HRH4: variants seen among roughly 807,000 people sequenced by gnomAD.
HRH4 encodes the protein histamine H4 receptor.
In HRH4, 12 loss-of-function variants were observed where a neutral mutation model predicts 10.4. The ratio of observed to expected loss-of-function variants is 1.15; its 90% CI spans 0.74 to 1.87. The LOEUF is 1.87. Ranked by LOEUF, HRH4 falls within the 40% of genes most tolerant of loss-of-function variation. The probability of loss-of-function intolerance (pLI) is 0.00; values close to 1 mark genes in which losing one functional copy is unlikely to be tolerated. For missense variants in HRH4, 415 were observed against 453.3 expected (o/e 0.92, Z 0.77); for synonymous variants, 154 against 166.6 (o/e 0.92, Z 0.58).
intron 1 of HRH4, among the ~76,000 whole-genome samples, chr18:24,466,068 T>C (rs1382062670): frequency 6.6e-6 from 1 of 151,928 alleles, no homozygotes; most frequent in Non-Finnish European, 1.5e-5. Flanking sequence ...TGGGATACTT[T>C]GATTTACCTC....
At chr18:24,469,016 G>T in intron 2 of HRH4, 65 bp downstream of exon 2, 1 of 1,307,464 alleles carries the variant, frequency 7.6e-7, no homozygotes, top group Non-Finnish European at 1.0e-6. Context: ...GGGTCCTCAA[G>T]CAAAAATTCT....
chr18:24,461,532 C>A (rs554865172), intron 1 of HRH4, among the ~76,000 whole-genome samples: 1 of 152,204 alleles, frequency 6.6e-6, no homozygotes, highest in Admixed American at 6.5e-5. Context: ...TAATTTTTCA[C>A]TGCCTGATGC....
At position 24,468,908 on chromosome 18, in the gene HRH4, T is replaced by C. The variant is rs1464670264; in HGVS notation, c.314T>C (p.Ile105Thr). ...YLLCTASVYN[I>T]VLISYDRYLS... The stretch of plus-strand genomic sequence containing the variant: ...TTATGTACAGCATCTGTATATAACA[T>C]TGTCCTCATCAGCTATGATCGATAC... The change falls in exon 2 of 3, where the codon ATT becomes ACT. Residue 105 changes from isoleucine to threonine, a missense_variant. By Grantham distance (89) the Ile-to-Thr change is moderately conservative. Coordinates refer to ENST00000256906, the MANE Select transcript of HRH4 (RefSeq NM_021624.4). 6.2e-7 allele frequency: 1 copy of C among 1,612,594 alleles called. No individual in the cohort carries two copies. Among genetic ancestry groups the C allele is most frequent in the Non-Finnish European group, 8.5e-7 (1 of 1,179,270 alleles).
At chr18:24,472,726 A>G (rs1910005714) in intron 2 of HRH4, among the ~76,000 whole-genome samples, 1 of 152,204 alleles carries the variant, frequency 6.6e-6, no homozygotes, top group Non-Finnish European at 1.5e-5. Flanking sequence ...AGAAAAGCCC[A>G]GTGCAGGTGG....
rs369037730 is a variant in HRH4, at chr18:24,469,787, G to A, written c.357+836G>A. ...CCAACTTTTGTTTTGGCCTCAGGGG[G>A]TATGTGTGCAGGTTTTTTTACATGA... On this transcript the variant is annotated intron_variant, in intron 2 of 2. Transcript: ENST00000256906. 2.2e-3 allele frequency among the ~76,000 whole-genome samples: 335 copies of A among 152,212 alleles called. 2 individuals carry two copies. Among genetic ancestry groups the A allele is most frequent in the African/African-American group, 7.9e-3 (327 of 41,532 alleles).
chr18:24,468,459 A>G lies in HRH4; in HGVS notation c.194-329A>G, dbSNP rs917771624. ...AGAATAATGACCAGAAGTCATTACC[A>G]TTAGTCAAAGTCTATACATGTCCAG... On this transcript the variant is annotated intron_variant, in intron 1 of 2. Transcript: ENST00000256906. Among the ~76,000 whole-genome samples the G allele has an allele frequency of 2.0e-5, 3 of 152,342 alleles. No individual in the cohort carries two copies. In the South Asian group the frequency reaches 6.2e-4, roughly 32 times the overall value.
At position 24,468,657 on chromosome 18, in the gene HRH4, A is replaced by T. The variant is rs573613661; in HGVS notation, c.194-131A>T. On this transcript the variant is annotated intron_variant, in intron 1 of 2. Coordinates refer to ENST00000256906, the MANE Select transcript of HRH4 (RefSeq NM_021624.4). ...CTGAGCTGCTTGATGAAATACCGTG[A>T]ATTTCTAAATTAGAGACAAATCATT... 623 of 877,818 alleles carry T rather than the reference A, an allele frequency of 7.1e-4. 1 individual carries two copies. Among genetic ancestry groups the T allele is most frequent in the Non-Finnish European group, 1.0e-3 (591 of 589,490 alleles). The allele number at this position is 877,818 out of a possible 1,614,324, so 54.4% of individuals were successfully genotyped here. A position where few individuals can be genotyped will look rare whatever the true frequency, so the allele number is the denominator to read the frequency against.
chr18:24,475,492 G>A (rs1247994759), intron 2 of HRH4, among the ~76,000 whole-genome samples: 1 of 152,202 alleles, frequency 6.6e-6, no homozygotes, highest in African/African-American at 2.4e-5. Flanking sequence ...GGGTGTGGTG[G>A]TGTACATCTG....
Position 24,470,501 on chromosome 18 carries a change from A to ATTTTTTTTTTTT in HRH4, c.357+1558_357+1569dup, listed in dbSNP as rs200257355. Among the ~76,000 whole-genome samples, 8 of 129,916 alleles carry ATTTTTTTTTTTT rather than the reference A, an allele frequency of 6.2e-5. 1 individual carries two copies. Among genetic ancestry groups the ATTTTTTTTTTTT allele is most frequent in the African/African-American group, 9.0e-5 (3 of 33,508 alleles). 85.2% of individuals were successfully genotyped at this position (129,916 alleles called of 152,430 possible). Reference sequence around the variant, plus strand: ...GGTGGTGGGCCACATTTGTTTCTCTATTTTTTTTTTTTTTTTTTTGGAGAC... The same window carrying ATTTTTTTTTTTT: ...GGTGGTGGGCCACATTTGTTTCTCTATTTTTTTTTTTTTTTTTTTTTTTTTTTTTTTGGAGAC... On this transcript the variant is annotated intron_variant, in intron 2 of 2. Coordinates refer to ENST00000256906, the MANE Select transcript of HRH4 (RefSeq NM_021624.4).
chr18:24,465,489 A>G (rs1909750248), intron 1 of HRH4, among the ~76,000 whole-genome samples: 1 of 152,076 alleles, frequency 6.6e-6, no homozygotes. Flanking sequence ...GGGGGCATAT[A>G]GCTTGTTTTC....
chr18:24,476,043 C>T (rs76441258), intron 2 of HRH4, among the ~76,000 whole-genome samples: 28 of 151,972 alleles, frequency 1.8e-4, no homozygotes, highest in Admixed American at 5.2e-4. Context: ...AAAAAAAAGT[C>T]TTTTTGTCTG....
chr18:24,467,373 G>T (rs1909804181), intron 1 of HRH4, among the ~76,000 whole-genome samples: 1 of 152,134 alleles, frequency 6.6e-6, no homozygotes, highest in Non-Finnish European at 1.5e-5. Flanking sequence ...TGATATAAAA[G>T]TAGAATGTAA....
Position 24,477,387 on chromosome 18 carries a change from C to A in HRH4, c.998C>A (p.Thr333Lys). ...GTCCTTTCATTTTATTCCTCAGCAA[C>A]AGGTCCTAAATCAGTTTGGTATAGA... ...TIVLSFYSSATGPKSVWYRIA... is the reference protein window; with the variant it reads ...TIVLSFYSSAKGPKSVWYRIA... The change falls in exon 3 of 3, where the codon ACA becomes AAA. Residue 333 changes from threonine to lysine, a missense_variant. Coordinates refer to ENST00000256906, the MANE Select transcript of HRH4 (RefSeq NM_021624.4). 6.2e-7 allele frequency: 1 copy of A among 1,614,078 alleles called. No homozygotes were observed. Among genetic ancestry groups the A allele is most frequent in the Non-Finnish European group, 8.5e-7 (1 of 1,179,936 alleles).
chr18:24,473,860 T>G (rs1352565230), intron 2 of HRH4, among the ~76,000 whole-genome samples: 2 of 152,080 alleles, frequency 1.3e-5, no homozygotes, highest in African/African-American at 2.4e-5. Flanking sequence ...GATATTTTAT[T>G]GGGGCGGGAA....
At chr18:24,473,675 A>C (rs1910045734) in intron 2 of HRH4, among the ~76,000 whole-genome samples, 1 of 152,226 alleles carries the variant, frequency 6.6e-6, no homozygotes, top group Non-Finnish European at 1.5e-5. Context: ...ATTTCCAAAT[A>C]AGGTCACATT....
rs1910241219 is a variant in HRH4, at chr18:24,479,223, C to A, written c.*1661C>A. 1 of 152,160 alleles carries A rather than the reference C, an allele frequency of 6.6e-6. No individual in the cohort carries two copies. The highest frequency in any genetic ancestry group is 1.5e-5 in the Non-Finnish European group (1 of 68,038). 9.4% of individuals were successfully genotyped at this position (152,160 alleles called of 1,614,324 possible). On this transcript the variant is annotated 3_prime_UTR_variant, in exon 3 of 3. Transcript: ENST00000256906. ...TCCTGGGCTGAAACAATCCTCCCGCCTTGGCCTCCCAAAGTGCTGGGATTA... is the reference window on the plus strand; with the variant it reads ...TCCTGGGCTGAAACAATCCTCCCGCATTGGCCTCCCAAAGTGCTGGGATTA...
Position 24,468,885 on chromosome 18 carries a change from A to G in HRH4, c.291A>G (p.Leu97=). 3.1e-6 allele frequency: 5 copies of G among 1,613,752 alleles called. No homozygotes were observed. In the South Asian group the frequency reaches 5.5e-5, roughly 18 times the overall value. The change falls in exon 2 of 3, where the codon TTA becomes TTG. Residue 97 remains leucine, a synonymous_variant. Transcript: ENST00000256906. ...TTTGGCTCACTACTGACTATCTGTT[A>G]TGTACAGCATCTGTATATAACATTG... ...CVFWLTTDYL[L]CTASVYNIVL... is the part of the protein sequence containing the mutation.
At chr18:24,471,588 C>T (rs1322228489) in intron 2 of HRH4, among the ~76,000 whole-genome samples, 4 of 105,948 alleles carry the variant, frequency 3.8e-5, no homozygotes, top group East Asian at 3.1e-4. Context: ...GCCTGGGTGT[C>T]GCAGCAAGAC....
At position 24,464,814 on chromosome 18, in the gene HRH4, T is replaced by G. The variant is rs563544836; in HGVS notation, c.193+3893T>G. Among the ~76,000 whole-genome samples, 5 of 152,106 alleles carry G rather than the reference T, an allele frequency of 3.3e-5. No homozygotes were observed. In the South Asian group the frequency reaches 1.0e-3, roughly 31 times the overall value. ...AATCCCTGCCCTCATGATGCTTCTG[T>G]TTCTACTGGGAGCAGGGGCATGGAG... is the stretch of plus-strand genomic sequence containing the variant. On this transcript the variant is annotated intron_variant, in intron 1 of 2. Coordinates refer to ENST00000256906, the MANE Select transcript of HRH4 (RefSeq NM_021624.4).
Sources: gnomAD v4.1 joint callset for allele counts (sites outside exome capture counted in the v4.1 genomes callset) on GRCh38, gnomAD v4.1.1 for gene constraint, MANE v1.5 for transcripts, NCBI Gene and HGNC (gene_info 2026-07-23, HGNC 2026-07-21) for gene names.